CDH20: variants seen among roughly 807,000 people sequenced by gnomAD.
CDH20 encodes cadherin-20.
A neutral mutation model predicts 74.2 loss-of-function variants in CDH20; 29 were observed. The observed-to-expected ratio is 0.39, with a 90% CI of 0.29 to 0.53. The LOEUF (loss-of-function observed/expected upper bound fraction) is 0.53, where lower values mean the gene tolerates loss of function less well. Among genes scored for constraint, CDH20 ranks in the 20% least tolerant of loss-of-function variants. The probability of loss-of-function intolerance (pLI) is 0.69; values close to 1 mark genes in which losing one functional copy is unlikely to be tolerated. For synonymous variants in CDH20, 469 were observed against 405.4 expected, an observed-to-expected ratio of 1.16 and a Z score of -1.88; for missense variants, 988 against 1,048.3, an observed-to-expected ratio of 0.94 and a Z score of 0.79.
intron 1 of CDH20, among the ~76,000 whole-genome samples, chr18:61,338,630 A>G (rs1909836724): frequency 6.6e-6 from 1 of 152,196 alleles, no homozygotes; most frequent in Admixed American, 6.5e-5. Flanking sequence ...TTACCTCCTT[A>G]AAACATAAAA....
intron 1 of CDH20, among the ~76,000 whole-genome samples, chr18:61,434,301 T>C (rs1000954777): frequency 6.6e-6 from 1 of 152,154 alleles, no homozygotes; most frequent in Non-Finnish European, 1.5e-5. Flanking sequence ...TAGATACCCA[T>C]TGAACTGATT....
Position 61,499,177 on chromosome 18 carries a change from C to T in CDH20, c.247-9C>T. ...TTCATGATGAGAATTAGGTGCTTTC[C>T]TCTCCCAGCTTCATTCAGATATGGA... is the stretch of plus-strand genomic sequence containing the variant. On this transcript the variant is annotated splice_polypyrimidine_tract_variant and intron_variant, in intron 2 of 11. Coordinates refer to ENST00000262717, the MANE Select transcript of CDH20 (RefSeq NM_031891.4). 2 of 1,520,934 alleles carry T rather than the reference C, an allele frequency of 1.3e-6. No individual in the cohort carries two copies. The highest frequency in any genetic ancestry group is 1.8e-6 in the Non-Finnish European group (2 of 1,132,450). The allele number at this position is 1,520,934 out of a possible 1,614,324, so 94.2% of individuals were successfully genotyped here. A position where few individuals can be genotyped will look rare whatever the true frequency, so the allele number is the denominator to read the frequency against.
chr18:61,411,496 A>T (rs1912501915), intron 1 of CDH20, among the ~76,000 whole-genome samples: 1 of 151,670 alleles, frequency 6.6e-6, no homozygotes, highest in Admixed American at 6.6e-5. Context: ...AAAAACGTGG[A>T]ACCAACCCAA....
At chr18:61,386,901 T>C (rs758248584) in intron 1 of CDH20, among the ~76,000 whole-genome samples, 3 of 152,148 alleles carry the variant, frequency 2.0e-5, no homozygotes, top group Non-Finnish European at 4.4e-5. Flanking sequence ...ATGTTGTGAG[T>C]CAATATTTCT....
At chr18:61,494,625 G>T (rs1412130191) in intron 2 of CDH20, among the ~76,000 whole-genome samples, 1 of 152,178 alleles carries the variant, frequency 6.6e-6, no homozygotes, top group Non-Finnish European at 1.5e-5. Flanking sequence ...GAAGATGTCT[G>T]TTTAGAGAGC....
intron 1 of CDH20, among the ~76,000 whole-genome samples, chr18:61,470,730 T>C (rs28592824): frequency 0.027 from 4,108 of 152,318 alleles, 121 homozygotes; most frequent in African/African-American, 0.068. Flanking sequence ...AGATCACTGA[T>C]ATAATATGGG....
chr18:61,335,263 A>G lies in CDH20; in HGVS notation c.-153+1436A>G, dbSNP rs536549547. 2.0e-4 allele frequency among the ~76,000 whole-genome samples: 30 copies of G among 152,302 alleles called. 1 individual carries two copies. The highest frequency in any genetic ancestry group is 6.5e-4 in the African/African-American group (27 of 41,558). ...TGTCACCCTTGCAGTCTCGTTGGAC[A>G]TGCTGAAAGGATTCAGGTCCTGACA... On this transcript the variant is annotated intron_variant, in intron 1 of 11. Coordinates refer to ENST00000262717, the MANE Select transcript of CDH20 (RefSeq NM_031891.4).
intron 1 of CDH20, among the ~76,000 whole-genome samples, chr18:61,354,049 A>G (rs1227952722): frequency 6.8e-6 from 1 of 147,170 alleles, no homozygotes; most frequent in East Asian, 1.9e-4. Context: ...GTCAAAAAAA[A>G]AAAAAGAAAA....
chr18:61,378,377 G>T (rs1189146842), intron 1 of CDH20, among the ~76,000 whole-genome samples: 3 of 152,160 alleles, frequency 2.0e-5, no homozygotes, highest in African/African-American at 4.8e-5. Context: ...AGGTCCAAAG[G>T]TGGGAGAAGA....
At chr18:61,394,755 T>C (rs1159470460) in intron 1 of CDH20, among the ~76,000 whole-genome samples, 1 of 152,050 alleles carries the variant, frequency 6.6e-6, no homozygotes, top group Non-Finnish European at 1.5e-5. Context: ...ATGGCCTCCA[T>C]GGTGTTTACC....
chr18:61,456,697 T>A (rs1005368492), intron 1 of CDH20, among the ~76,000 whole-genome samples: 1 of 152,258 alleles, frequency 6.6e-6, no homozygotes, highest in East Asian at 1.9e-4. Context: ...TTAATGAGTC[T>A]GTCTCAGGCA....
chr18:61,397,249 C>T (rs200670663), intron 1 of CDH20, among the ~76,000 whole-genome samples: 9 of 152,106 alleles, frequency 5.9e-5, no homozygotes, highest in African/African-American at 2.2e-4. Flanking sequence ...TATTTCCCAT[C>T]GTCACCCAAC....
chr18:61,430,051 G>A (rs1913203279), intron 1 of CDH20, among the ~76,000 whole-genome samples: 1 of 150,866 alleles, frequency 6.6e-6, no homozygotes, highest in African/African-American at 2.4e-5. Flanking sequence ...AGCAACCAGA[G>A]TAGAATATCC....
At chr18:61,498,925 T>C (rs1048779381) in intron 2 of CDH20, among the ~76,000 whole-genome samples, 2 of 152,188 alleles carry the variant, frequency 1.3e-5, no homozygotes, top group African/African-American at 2.4e-5. Flanking sequence ...TCCATACTTA[T>C]CAGGGAGAAG....
At chr18:61,403,059 A>G (rs759804266) in intron 1 of CDH20, among the ~76,000 whole-genome samples, 10 of 152,174 alleles carry the variant, frequency 6.6e-5, no homozygotes, top group Non-Finnish European at 1.3e-4. Flanking sequence ...TCCCAGGATG[A>G]ATGGTGCAAT....
intron 1 of CDH20, among the ~76,000 whole-genome samples, chr18:61,433,443 C>T (rs966827422): frequency 2.0e-5 from 3 of 152,068 alleles, no homozygotes; most frequent in Non-Finnish European, 4.4e-5. Context: ...AATTAATAAA[C>T]ATCATGTATT....
chr18:61,442,618 TCTAA>T (rs770923795), intron 1 of CDH20, among the ~76,000 whole-genome samples: 2 of 152,050 alleles, frequency 1.3e-5, no homozygotes, highest in South Asian at 2.1e-4. Context: ...TCAAAAAGAC[TCTAA>T]CTAAAACTGC....
intron 1 of CDH20, among the ~76,000 whole-genome samples, chr18:61,448,844 G>T (rs908218475): frequency 6.6e-6 from 1 of 152,134 alleles, no homozygotes; most frequent in African/African-American, 2.4e-5. Context: ...GATGACCTCT[G>T]AAGTTCCTTT....
At chr18:61,341,599 A>G (rs979370823) in intron 1 of CDH20, among the ~76,000 whole-genome samples, 1 of 152,180 alleles carries the variant, frequency 6.6e-6, no homozygotes, top group Non-Finnish European at 1.5e-5. Context: ...AAGACTTCAC[A>G]TCAATTTGCA....
Sources: gnomAD v4.1 joint callset for allele counts (sites outside exome capture counted in the v4.1 genomes callset) on GRCh38, gnomAD v4.1.1 for gene constraint, MANE v1.5 for transcripts, NCBI Gene and HGNC (gene_info 2026-07-23, HGNC 2026-07-21) for gene names.